ZNF516: variants seen among roughly 807,000 people sequenced by gnomAD.
ZNF516 encodes zinc finger protein 516.
A neutral mutation model predicts 79.7 loss-of-function variants in ZNF516; 19 were observed. The observed-to-expected ratio is 0.24, with a 90% CI of 0.17 to 0.35. The LOEUF (loss-of-function observed/expected upper bound fraction) is 0.35. Ranked by LOEUF, ZNF516 falls within the 10% of genes least tolerant of loss-of-function variation. ZNF516 has a pLI of 1.00. For missense variants in ZNF516, 1,678 were observed against 1,679.5 expected, an observed-to-expected ratio of 1.00 and a Z score of 0.02; for synonymous variants, 877 against 739.5, an observed-to-expected ratio of 1.19 and a Z score of -3.02.
intron 2 of ZNF516, among the ~76,000 whole-genome samples, chr18:76,446,173 G>C (rs1330374319): frequency 6.6e-6 from 1 of 152,070 alleles, no homozygotes; most frequent in Non-Finnish European, 1.5e-5. Flanking sequence ...GAAACAATAA[G>C]AAGAAGCCAC....
intron 6 of ZNF516, among the ~76,000 whole-genome samples, chr18:76,364,939 AAAATGTGT>A (rs2074591552): frequency 6.6e-6 from 1 of 152,264 alleles, no homozygotes; most frequent in South Asian, 2.1e-4. Flanking sequence ...GAGAAAATGG[AAAATGTGT>A]TTTAAGATGC....
rs1009874131 is a variant in ZNF516 at position 76,441,784 on chromosome 18, C to T, written c.1271G>A (p.Arg424Gln). The change falls in exon 3 of 7, where the codon CGG becomes CAG. Residue 424 changes from arginine to glutamine, a missense_variant. This residue lies in a region of ZNF516 where 1,294 missense variants were observed against 1,248.3 expected (regional missense o/e 1.04). Transcript: ENST00000443185. ...NSYQAWQLAT[R>Q]GKVAEPAEYL... ...CTCGGCCGGCTCGGCCACCTTACCC[C>T]GCGTGGCCAGCTGCCAGGCCTGGTA... 6.4e-7 allele frequency: 1 copy of T among 1,559,386 alleles called. No homozygotes were observed. The highest frequency in any genetic ancestry group is 1.2e-5 in the South Asian group (1 of 85,896).
intron 2 of ZNF516, among the ~76,000 whole-genome samples, chr18:76,448,652 G>C (rs1912209125): frequency 6.6e-6 from 1 of 152,186 alleles, no homozygotes; most frequent in African/African-American, 2.4e-5. Flanking sequence ...AGGAACTTCA[G>C]GTGACGGCAG....
intron 3 of ZNF516, among the ~76,000 whole-genome samples, chr18:76,397,775 A>C (rs1262299914): frequency 6.6e-6 from 1 of 151,922 alleles, no homozygotes; most frequent in Non-Finnish European, 1.5e-5. Flanking sequence ...TTTTTTAAAA[A>C]CTTTTTGTAG....
At chr18:76,439,575 A>C (rs772062984) in intron 3 of ZNF516, among the ~76,000 whole-genome samples, 2 of 152,224 alleles carry the variant, frequency 1.3e-5, no homozygotes, top group Non-Finnish European at 2.9e-5. Flanking sequence ...CTAAAATTTA[A>C]TGAGCCTGAA....
intron 1 of ZNF516, among the ~76,000 whole-genome samples, chr18:76,464,127 C>T (rs1913295182): frequency 6.6e-6 from 1 of 152,040 alleles, no homozygotes; most frequent in Non-Finnish European, 1.5e-5. Flanking sequence ...AGTTCAAGAC[C>T]AGCCTGGCCA....
intron 3 of ZNF516, among the ~76,000 whole-genome samples, chr18:76,404,082 C>T (rs1269121169): frequency 1.3e-5 from 2 of 152,248 alleles, no homozygotes; most frequent in African/African-American, 4.8e-5. Flanking sequence ...CCCCACTCCA[C>T]TCTGTGGCTC....
intron 3 of ZNF516, among the ~76,000 whole-genome samples, chr18:76,434,386 G>A (rs922409912): frequency 1.2e-4 from 19 of 152,182 alleles, no homozygotes; most frequent in African/African-American, 4.1e-4. Context: ...AAATCTAGCA[G>A]GGAAAGGAGA....
At position 76,469,392 on chromosome 18, in the gene ZNF516, T is replaced by C. The variant is rs540869020; in HGVS notation, c.-271-6251A>G. The stretch of plus-strand genomic sequence containing the variant: ...AATAAATATCTCTGAATGTATACAT[T>C]CCACAAAATGGACAGTTAAAAGAAG... On this transcript the variant is annotated intron_variant, in intron 1 of 6. Coordinates refer to ENST00000443185, the MANE Select transcript of ZNF516 (RefSeq NM_014643.4). Among the ~76,000 whole-genome samples the C allele has an allele frequency of 7.2e-4, 110 of 152,328 alleles. 1 individual carries two copies. Among genetic ancestry groups the C allele is most frequent in the African/African-American group, 2.6e-3 (108 of 41,592 alleles).
intron 3 of ZNF516, among the ~76,000 whole-genome samples, chr18:76,437,952 T>C (rs1212617811): frequency 6.6e-6 from 1 of 152,154 alleles, no homozygotes; most frequent in Non-Finnish European, 1.5e-5. Flanking sequence ...TGAGTCGCAG[T>C]GAGTATCTAA....
intron 3 of ZNF516, among the ~76,000 whole-genome samples, chr18:76,381,708 C>T (rs928431282): frequency 5.3e-5 from 8 of 152,200 alleles, no homozygotes; most frequent in South Asian, 2.1e-4. Flanking sequence ...GCAATTCATA[C>T]GCCGTGTTAA....
chr18:76,470,432 G>A (rs1599140910), intron 1 of ZNF516, among the ~76,000 whole-genome samples: 1 of 152,172 alleles, frequency 6.6e-6, no homozygotes, highest in African/African-American at 2.4e-5. Flanking sequence ...AAGCTGAAGT[G>A]ATCTTACATG....
chr18:76,433,754 G>A (rs906291087), intron 3 of ZNF516, among the ~76,000 whole-genome samples: 2 of 152,230 alleles, frequency 1.3e-5, no homozygotes, highest in East Asian at 1.9e-4. Context: ...GAAGAATCGA[G>A]AAAGGATGGG....
intron 2 of ZNF516, among the ~76,000 whole-genome samples, chr18:76,445,080 A>G (rs765115856): frequency 2.0e-5 from 3 of 152,100 alleles, no homozygotes; most frequent in Non-Finnish European, 4.4e-5. Context: ...AGGAGCCAAA[A>G]CCCACTTGCT....
intron 6 of ZNF516, among the ~76,000 whole-genome samples, chr18:76,366,267 T>C (rs2074610138): frequency 6.6e-6 from 1 of 152,190 alleles, no homozygotes; most frequent in African/African-American, 2.4e-5. Context: ...AGACGGTATA[T>C]CACAATTTCT....
chr18:76,434,052 CG>C (rs990064351), intron 3 of ZNF516, among the ~76,000 whole-genome samples: 1 of 149,932 alleles, frequency 6.7e-6, no homozygotes, highest in Non-Finnish European at 1.5e-5. Flanking sequence ...CGTTGCTGTC[CG>C]TTCTTCCAGC....
At position 76,441,461 on chromosome 18, in the gene ZNF516, G is replaced by A. The variant is rs1568294603; in HGVS notation, c.1594C>T (p.Leu532=). 2 of 1,605,210 alleles carry A rather than the reference G, an allele frequency of 1.2e-6. No individual in the cohort carries two copies. The highest frequency in any genetic ancestry group is 2.2e-5 in the East Asian group (1 of 44,608). The change falls in exon 3 of 7, where the codon CTG becomes TTG. Residue 532 remains leucine, a synonymous_variant. Coordinates refer to ENST00000443185, the MANE Select transcript of ZNF516 (RefSeq NM_014643.4). ...GCGCGGCGATGCACGCGTGAGTGCA[G>A]CACCATCTGATGATAGGTGCGGAAG... is the stretch of plus-strand genomic sequence containing the variant. The part of the protein sequence containing the change: ...KIFRTYHQMV[L]HSRVHRRARR...
chr18:76,444,417 C>T (rs1485621331), intron 2 of ZNF516, among the ~76,000 whole-genome samples: 1 of 152,208 alleles, frequency 6.6e-6, no homozygotes, highest in Non-Finnish European at 1.5e-5. Context: ...CAAGTGATTT[C>T]GCATAGAAAG....
At chr18:76,371,436 C>T (rs1418915278) in intron 5 of ZNF516, 31 bp downstream of exon 5, 33 of 1,585,208 alleles carry the variant, frequency 2.1e-5, no homozygotes, top group Non-Finnish European at 2.7e-5. Flanking sequence ...CCTCTGCTCC[C>T]CTTGGGGATA....
Sources: gnomAD v4.1 joint callset for allele counts (sites outside exome capture counted in the v4.1 genomes callset) on GRCh38, gnomAD v4.1.1 for gene constraint, gnomAD v4.1.1 regional missense constraint, MANE v1.5 for transcripts, NCBI Gene and HGNC (gene_info 2026-07-23, HGNC 2026-07-21) for gene names.